Variants in SNAP25 observed in about 807,000 individuals in gnomAD.
SNAP25 encodes synaptosome associated protein 25.
SNAP25 carries 3 observed loss-of-function variants against 28.7 expected under a neutral mutation model. The observed-to-expected ratio is 0.10, with a 90% CI of 0.05 to 0.27. The LOEUF (loss-of-function observed/expected upper bound fraction) is 0.27, where lower values mean the gene tolerates loss of function less well. Among genes scored for constraint, SNAP25 ranks in the 10% least tolerant of loss-of-function variants. The pLI is 1.00. For missense variants in SNAP25, 117 were observed against 278.7 expected, an observed-to-expected ratio of 0.42 and a Z score of 4.13; for synonymous variants, 61 against 88.1, an observed-to-expected ratio of 0.69 and a Z score of 1.72.
intron 1 of SNAP25, among the ~76,000 whole-genome samples, chr20:10,254,920 C>G (rs363017): frequency 0.018 from 2,778 of 152,272 alleles, 86 homozygotes; most frequent in African/African-American, 0.062. Flanking sequence ...TAGCTTCCCT[C>G]TTCAGCTCAG....
intron 1 of SNAP25, among the ~76,000 whole-genome samples, chr20:10,243,239 A>G (rs2122750824): frequency 6.6e-6 from 1 of 152,326 alleles, no homozygotes; most frequent in East Asian, 1.9e-4. Flanking sequence ...TTTATTTTGA[A>G]ATATTTTTAG....
At position 10,306,319 on chromosome 20, in the gene SNAP25, T is replaced by A; in HGVS notation, c.*122T>A. 5.1e-6 allele frequency: 4 copies of A among 780,504 alleles called. No individual in the cohort carries two copies. Among genetic ancestry groups the A allele is most frequent in the Middle Eastern group, 5.2e-4 (2 of 3,864 alleles). The allele number at this position is 780,504 out of a possible 1,614,324, so 48.3% of individuals were successfully genotyped here. A position where few individuals can be genotyped will look rare whatever the true frequency, so the allele number is the denominator to read the frequency against. On this transcript the variant is annotated 3_prime_UTR_variant, in exon 8 of 8. Transcript: ENST00000254976. Reference sequence around the variant, plus strand: ...CACATCAGTCCACCCCCATTGTGAATGTTGTCCTGTGTCATCTGTCAGCTT... The same window carrying A: ...CACATCAGTCCACCCCCATTGTGAAAGTTGTCCTGTGTCATCTGTCAGCTT...
intron 1 of SNAP25, among the ~76,000 whole-genome samples, chr20:10,236,349 C>G (rs931255272): frequency 6.6e-6 from 1 of 152,168 alleles, no homozygotes; most frequent in African/African-American, 2.4e-5. Flanking sequence ...GAAATTTTCT[C>G]CTTTGAACAT....
At chr20:10,303,446 T>A (rs1352423764) in intron 7 of SNAP25, among the ~76,000 whole-genome samples, 1 of 152,202 alleles carries the variant, frequency 6.6e-6, no homozygotes, top group African/African-American at 2.4e-5. Flanking sequence ...TGTTTTAACT[T>A]TGCAAATTTC....
chr20:10,304,306 G>A (rs2064304479), intron 7 of SNAP25, among the ~76,000 whole-genome samples: 3 of 152,168 alleles, frequency 2.0e-5, no homozygotes, highest in Admixed American at 2.0e-4. Context: ...AAAGTTTAAT[G>A]AGTGGAACAA....
At chr20:10,270,893 A>C (rs1207684840) in intron 1 of SNAP25, among the ~76,000 whole-genome samples, 1 of 152,146 alleles carries the variant, frequency 6.6e-6, no homozygotes, top group Non-Finnish European at 1.5e-5. Context: ...TGAATGCTAC[A>C]TGGGAGTGTC....
At chr20:10,230,424 G>A (rs1299325314) in intron 1 of SNAP25, among the ~76,000 whole-genome samples, 1 of 152,144 alleles carries the variant, frequency 6.6e-6, no homozygotes, top group African/African-American at 2.4e-5. Context: ...TTGAATTTAA[G>A]ATCTCAAGTG....
chr20:10,279,713 C>G (rs968968021), intron 3 of SNAP25, among the ~76,000 whole-genome samples: 4 of 152,132 alleles, frequency 2.6e-5, no homozygotes, highest in African/African-American at 7.2e-5. Context: ...TTTTGTTTCT[C>G]CTAAAGCATT....
intron 7 of SNAP25, among the ~76,000 whole-genome samples, chr20:10,301,756 A>G (rs1302776763): frequency 6.6e-6 from 1 of 151,584 alleles, no homozygotes; most frequent in Non-Finnish European, 1.5e-5. Flanking sequence ...TTTTCAATAC[A>G]TCCTCATGGA....
At chr20:10,296,799 G>A in intron 5 of SNAP25, 126 bp from the exon 6 acceptor site, 2 of 1,413,016 alleles carry the variant, frequency 1.4e-6, no homozygotes, top group Non-Finnish European at 1.9e-6. Flanking sequence ...TGATATATCG[G>A]TATTATCTAA....
At chr20:10,297,235 C>CTT (rs1419744541) in intron 6 of SNAP25, among the ~76,000 whole-genome samples, 185 bp downstream of exon 6, 2 of 152,214 alleles carry the variant, frequency 1.3e-5, no homozygotes, top group African/African-American at 4.8e-5. Context: ...GCCCCATTCA[C>CTT]TTGTCTGGTG....
chr20:10,301,918 T>A (rs2064249448), intron 7 of SNAP25, among the ~76,000 whole-genome samples: 1 of 147,576 alleles, frequency 6.8e-6, no homozygotes, highest in Non-Finnish European at 1.5e-5. Context: ...TATATATATA[T>A]AAAAACCATA....
At chr20:10,271,904 T>C (rs183497098) in intron 1 of SNAP25, among the ~76,000 whole-genome samples, 125 of 152,274 alleles carry the variant, frequency 8.2e-4, no homozygotes, top group African/African-American at 2.7e-3. Flanking sequence ...AGGCCGAAGA[T>C]ACACATTTCC....
intron 7 of SNAP25, among the ~76,000 whole-genome samples, chr20:10,302,458 G>A (rs2064263028): frequency 6.6e-6 from 1 of 152,096 alleles, no homozygotes; most frequent in Non-Finnish European, 1.5e-5. Flanking sequence ...TCAAACCTAG[G>A]ATCAGAACAG....
intron 1 of SNAP25, among the ~76,000 whole-genome samples, chr20:10,247,585 G>C (rs1445926632): frequency 6.6e-6 from 1 of 152,166 alleles, no homozygotes; most frequent in Non-Finnish European, 1.5e-5. Flanking sequence ...GGTAAAGGAT[G>C]TGAAGAGAGC....
chr20:10,272,877 G>T (rs1369453566), intron 1 of SNAP25, among the ~76,000 whole-genome samples: 1 of 152,068 alleles, frequency 6.6e-6, no homozygotes, highest in African/African-American at 2.4e-5. Flanking sequence ...GCAATCACTG[G>T]GTAGAGAACG....
intron 1 of SNAP25, among the ~76,000 whole-genome samples, chr20:10,224,657 A>G (rs2184146): frequency 0.12 from 17,951 of 151,482 alleles, 1,163 homozygotes; most frequent in East Asian, 0.17. Context: ...CCTCATCCCA[A>G]TCCTTATTTT....
intron 1 of SNAP25, among the ~76,000 whole-genome samples, chr20:10,237,247 T>C (rs2122710497): frequency 6.6e-6 from 1 of 152,218 alleles, no homozygotes; most frequent in African/African-American, 2.4e-5. Context: ...ATGCCTGGAT[T>C]GCCTAACCTG....
At chr20:10,290,625 G>C (rs2063975934) in intron 4 of SNAP25, among the ~76,000 whole-genome samples, 1 of 147,012 alleles carries the variant, frequency 6.8e-6, no homozygotes, top group African/African-American at 2.6e-5. Context: ...CTAATATCTT[G>C]TCAGAGAGTT....
Sources: gnomAD v4.1 joint callset for allele counts (sites outside exome capture counted in the v4.1 genomes callset) on GRCh38, gnomAD v4.1.1 for gene constraint, MANE v1.5 for transcripts, NCBI Gene and HGNC (gene_info 2026-07-23, HGNC 2026-07-21) for gene names.